The following FAM168A variants were observed in gnomAD, a reference collection of about 807,000 sequenced individuals.
FAM168A encodes the protein protein FAM168A.
Under a neutral mutation model 28.5 loss-of-function variants are expected in FAM168A, and 3 were observed. The ratio of observed to expected loss-of-function variants is 0.11; its 90% confidence interval spans 0.05 to 0.27. The LOEUF is 0.27. Ranked by LOEUF, FAM168A falls within the 10% of genes least tolerant of loss-of-function variation. The pLI is 1.00. For synonymous variants in FAM168A, 122 were observed against 124.2 expected (o/e 0.98, Z 0.12); for missense variants, 222 against 311.5 (o/e 0.71, Z 2.16).
Position 73,545,572 on chromosome 11 carries a change from A to G in FAM168A, c.-19+52351T>C, listed in dbSNP as rs890006225. Among the ~76,000 whole-genome samples the G allele has an allele frequency of 2.0e-5, 3 of 152,038 alleles. No individual in the cohort carries two copies. In the East Asian group the frequency reaches 5.8e-4, roughly 29 times the overall value. ...AAAACCACTCAACTATACAATTTAAATGAGTGAATTGTGTGGCATATGAAT... is the reference window on the plus strand; with the variant it reads ...AAAACCACTCAACTATACAATTTAAGTGAGTGAATTGTGTGGCATATGAAT... On this transcript the variant is annotated intron_variant, in intron 1 of 7. Transcript: ENST00000356467.
intron 1 of FAM168A, among the ~76,000 whole-genome samples, chr11:73,530,184 C>A (rs976720587): frequency 6.6e-5 from 10 of 152,148 alleles, no homozygotes; most frequent in African/African-American, 2.4e-4. Flanking sequence ...CTACCAAGTT[C>A]ATGGTGCAAT....
At chr11:73,507,812 G>A (rs1383162785) in intron 1 of FAM168A, among the ~76,000 whole-genome samples, 1 of 152,134 alleles carries the variant, frequency 6.6e-6, no homozygotes, top group Non-Finnish European at 1.5e-5. Context: ...ATCACAGGAT[G>A]CGAAACCAGC....
chr11:73,440,273 T>G (rs1282153103), intron 2 of FAM168A, among the ~76,000 whole-genome samples: 1 of 152,146 alleles, frequency 6.6e-6, no homozygotes, highest in East Asian at 1.9e-4. Context: ...AGAACACTTG[T>G]TTTCCATGTA....
In FAM168A at chr11:73,423,272, T is replaced by G. The variant is rs1049579083; in HGVS notation, c.152-3273A>C. Among the ~76,000 whole-genome samples, 21 of 152,174 alleles carry G rather than the reference T, an allele frequency of 1.4e-4. 1 individual carries two copies. Among genetic ancestry groups the G allele is most frequent in the African/African-American group, 4.8e-4 (20 of 41,428 alleles). On this transcript the variant is annotated intron_variant, in intron 3 of 7. Transcript: ENST00000356467. The stretch of plus-strand genomic sequence containing the variant: ...ATCTGAACTACACTACTGCAACTGC[T>G]TCCTCATGTTAAATCTGCTGCCCCC...
At chr11:73,579,822 G>C (rs1396169397) in intron 1 of FAM168A, among the ~76,000 whole-genome samples, 2 of 152,200 alleles carry the variant, frequency 1.3e-5, no homozygotes, top group Non-Finnish European at 2.9e-5. Flanking sequence ...TTGGATGCAA[G>C]CATAAGTCTT....
chr11:73,551,097 CGA>C (rs1472239708), intron 1 of FAM168A, among the ~76,000 whole-genome samples: 1 of 142,348 alleles, frequency 7.0e-6, no homozygotes, highest in Non-Finnish European at 1.5e-5. Flanking sequence ...GGTGACAGAG[CGA>C]GACTCTGTCT....
intron 2 of FAM168A, among the ~76,000 whole-genome samples, chr11:73,439,201 C>T (rs1198844492): frequency 6.6e-6 from 1 of 152,108 alleles, no homozygotes; most frequent in Non-Finnish European, 1.5e-5. Context: ...GCCCAGCCAC[C>T]CAGCCTTCCA....
intron 2 of FAM168A, among the ~76,000 whole-genome samples, chr11:73,449,784 C>G (rs1867393472): frequency 6.6e-6 from 1 of 152,244 alleles, no homozygotes; most frequent in Non-Finnish European, 1.5e-5. Flanking sequence ...CAAATTGTGA[C>G]AGCACTTGTG....
intron 1 of FAM168A, among the ~76,000 whole-genome samples, chr11:73,532,918 G>C (rs1168537918): frequency 6.6e-6 from 1 of 152,178 alleles, no homozygotes; most frequent in Non-Finnish European, 1.5e-5. Context: ...TTTTCAGCTG[G>C]GAAAGAGGAA....
At chr11:73,591,428 A>G (rs768343634) in intron 1 of FAM168A, among the ~76,000 whole-genome samples, 6 of 152,230 alleles carry the variant, frequency 3.9e-5, no homozygotes, top group Non-Finnish European at 8.8e-5. Flanking sequence ...ACTGCCTGCC[A>G]TAGACACTCA....
At chr11:73,561,074 CAAAA>C (rs1943953096) in intron 1 of FAM168A, among the ~76,000 whole-genome samples, 1 of 78,722 alleles carries the variant, frequency 1.3e-5, no homozygotes, top group African/African-American at 1.0e-4. Flanking sequence ...AAAAAAAAAA[CAAAA>C]AACAAAAAGA....
intron 1 of FAM168A, among the ~76,000 whole-genome samples, chr11:73,570,733 C>CA (rs1239311974): frequency 0.052 from 4,832 of 92,832 alleles, 218 homozygotes; most frequent in African/African-American, 0.16. Flanking sequence ...GATACTGTCT[C>CA]AAAAAAAAAA....
At chr11:73,487,699 G>C (rs78031303) in intron 1 of FAM168A, among the ~76,000 whole-genome samples, 11,665 of 151,862 alleles carry the variant, frequency 0.077, 1,546 homozygotes, top group African/African-American at 0.27. Context: ...ATCCTTGACC[G>C]TGTTATTACT....
At chr11:73,545,217 G>T (rs1007813680) in intron 1 of FAM168A, among the ~76,000 whole-genome samples, 5 of 149,300 alleles carry the variant, frequency 3.3e-5, no homozygotes, top group African/African-American at 1.0e-4. Flanking sequence ...GAAGAGATGG[G>T]GTTTCACCAT....
chr11:73,515,525 A>G (rs1323790268), intron 1 of FAM168A, among the ~76,000 whole-genome samples: 4 of 150,194 alleles, frequency 2.7e-5, no homozygotes, highest in African/African-American at 7.4e-5. Context: ...AAAAAAAAAA[A>G]GAAAAGAAAC....
intron 2 of FAM168A, among the ~76,000 whole-genome samples, chr11:73,446,746 C>T (rs1465270784): frequency 2.0e-5 from 3 of 152,230 alleles, no homozygotes; most frequent in Admixed American, 6.5e-5. Context: ...ACCTCTGCAT[C>T]TCAAATACAG....
intron 1 of FAM168A, among the ~76,000 whole-genome samples, chr11:73,567,087 C>A (rs1030749146): frequency 6.6e-6 from 1 of 152,180 alleles, no homozygotes; most frequent in African/African-American, 2.4e-5. Context: ...GTGACCCTGG[C>A]AGCAGATGGA....
intron 1 of FAM168A, among the ~76,000 whole-genome samples, chr11:73,558,780 T>C (rs1034762339): frequency 6.6e-6 from 1 of 152,118 alleles, no homozygotes. Context: ...ATTTATTTTT[T>C]AAAAAAGAAG....
intron 1 of FAM168A, among the ~76,000 whole-genome samples, chr11:73,503,119 C>T (rs1175895958): frequency 5.9e-5 from 9 of 152,154 alleles, no homozygotes; most frequent in African/African-American, 2.2e-4. Flanking sequence ...CTCACCACTC[C>T]TATTCAACAT....
Sources: gnomAD v4.1 joint callset for allele counts (sites outside exome capture counted in the v4.1 genomes callset) on GRCh38, gnomAD v4.1.1 for gene constraint, MANE v1.5 for transcripts, NCBI Gene and HGNC (gene_info 2026-07-23, HGNC 2026-07-21) for gene names.